The following FCRLA variants were observed in gnomAD, a reference collection of about 807,000 sequenced individuals.
FCRLA encodes Fc receptor like A.
In FCRLA, 26 loss-of-function variants were observed where a neutral mutation model predicts 28.4. The ratio of observed to expected loss-of-function variants is 0.91; its 90% CI spans 0.67 to 1.27. The LOEUF is 1.27. FCRLA is among the 50% of genes most tolerant of loss of function. The pLI, the probability that FCRLA is intolerant of heterozygous loss-of-function variation, is 0.00. For missense variants in FCRLA, 422 were observed against 433.1 expected (o/e 0.97, Z 0.23); for synonymous variants, 174 against 168.5 (o/e 1.03, Z -0.25).
intron 1 of FCRLA, among the ~76,000 whole-genome samples, chr1:161,709,313 G>T (rs1372231308): frequency 1.3e-5 from 2 of 151,920 alleles, no homozygotes; most frequent in Admixed American, 6.6e-5. Flanking sequence ...AAAATTATTT[G>T]TTGAGACAGG....
At chr1:161,709,733 G>T (rs1441389385) in intron 1 of FCRLA, among the ~76,000 whole-genome samples, 2 of 152,140 alleles carry the variant, frequency 1.3e-5, no homozygotes, top group African/African-American at 2.4e-5. Flanking sequence ...GGCTGGAGGA[G>T]GGGGAGAATA....
Position 161,711,947 on chromosome 1 carries a change from G to A in FCRLA, c.513G>A (p.Ala171=), listed in dbSNP as rs575335846. ...VAITVQELFP[A]PILRAVPSAE... is the part of the protein sequence containing the mutation. ...TCTTTTTCCCAGAACTGTTTCCAGC[G>A]CCAATTCTCAGAGCTGTACCCTCAG... The change falls in exon 4 of 5, where the codon GCG becomes GCA. Residue 171 remains alanine (A), a synonymous_variant. Transcript: ENST00000236938. 137 of 1,609,674 alleles carry A rather than the reference G, an allele frequency of 8.5e-5. No individual in the cohort carries two copies. Among genetic ancestry groups the A allele is most frequent in the Middle Eastern group, 1.7e-4 (1 of 6,022 alleles).
intron 3 of FCRLA, 63 bp from the exon 4 acceptor site, chr1:161,711,871 C>G (rs1105238): frequency 0.25 from 377,968 of 1,521,080 alleles, 55,664 homozygotes; most frequent in African/African-American, 0.58. Context: ...GTCTCTTCAC[C>G]TGCATGTGTC....
At chr1:161,712,311 T>C in intron 4 of FCRLA, 93 bp downstream of exon 4, 1 of 1,457,168 alleles carries the variant, frequency 6.9e-7, no homozygotes, top group Non-Finnish European at 9.3e-7. Flanking sequence ...TGGGGTTCAG[T>C]GTGAGCAGGT....
chr1:161,709,599 T>C (rs1682997388), intron 1 of FCRLA, among the ~76,000 whole-genome samples: 1 of 152,000 alleles, frequency 6.6e-6, no homozygotes, highest in African/African-American at 2.4e-5. Flanking sequence ...GGGGTCTTGG[T>C]AAGGGACATG....
At position 161,710,826 on chromosome 1, in the gene FCRLA, AGGATGACTTGACTGAT is replaced by A. The variant is rs1289643428; in HGVS notation, c.148_163del (p.Asp50GlnfsTer19). 8 of 1,614,042 alleles carry A rather than the reference AGGATGACTTGACTGAT, an allele frequency of 5.0e-6. No individual in the cohort carries two copies. In the South Asian group the frequency reaches 5.5e-5, roughly 11 times the overall value. On this transcript the variant is annotated frameshift_variant, in exon 2 of 5. Transcript: ENST00000236938. LOFTEE classifies it high-confidence loss of function. ...ACTGAGGAGAGCAGCTGCCACACGG[AGGATGACTTGACTGAT>A]GCAAGGGAAGCTGGCTTCCAGGTCA...
At position 161,713,430 on chromosome 1, in the gene FCRLA, T is replaced by C. The variant is rs748113648; in HGVS notation, c.*50T>C. 64 of 1,442,372 alleles carry C rather than the reference T, an allele frequency of 4.4e-5. No individual in the cohort carries two copies. The highest frequency in any genetic ancestry group is 5.8e-5 in the Non-Finnish European group (61 of 1,053,762). The allele number at this position is 1,442,372 out of a possible 1,614,324, so 89.3% of individuals were successfully genotyped here. On this transcript the variant is annotated 3_prime_UTR_variant, in exon 5 of 5. Transcript: ENST00000236938. ...CACTTAACCACCCCAATAAATCTGA[T>C]TCTTTATTTTCTCTTCCTGTCCTGC...
intron 4 of FCRLA, 26 bp from the exon 5 acceptor site, chr1:161,713,059 T>C (rs534078787): frequency 5.6e-6 from 9 of 1,596,080 alleles, no homozygotes; most frequent in African/African-American, 4.1e-5. Context: ...TTCACTCTTG[T>C]ATGTGCCTCC....
rs762362431 is a variant in FCRLA, at chr1:161,710,457, C to T, written c.80-303C>T. 3.2e-6 allele frequency: 5 copies of T among 1,550,338 alleles called. No homozygotes were observed. The South Asian group carries it at 3.6e-5, about 11-fold the overall frequency. On this transcript the variant is annotated intron_variant, in intron 1 of 4. Transcript: ENST00000236938. ...GCTTCGAGTTACCATTGTCTTTGCTCCTGGTTTCCCGTACCAGCAGCTGGA... is the reference window on the plus strand; with the variant it reads ...GCTTCGAGTTACCATTGTCTTTGCTTCTGGTTTCCCGTACCAGCAGCTGGA...
At chr1:161,709,313 G>A (rs1372231308) in intron 1 of FCRLA, among the ~76,000 whole-genome samples, 1 of 151,920 alleles carries the variant, frequency 6.6e-6, no homozygotes, top group South Asian at 2.1e-4. Flanking sequence ...AAAATTATTT[G>A]TTGAGACAGG....
At position 161,713,259 on chromosome 1, in the gene FCRLA, A is replaced by G. The variant is rs769841397; in HGVS notation, c.959A>G (p.Gln320Arg). 6.2e-7 allele frequency: 1 copy of G among 1,614,264 alleles called. No homozygotes were observed. Among genetic ancestry groups the G allele is most frequent in the South Asian group, 1.1e-5 (1 of 91,090 alleles). The change falls in exon 5 of 5, where the codon CAG becomes CGG. Residue 320 changes from glutamine to arginine, a missense_variant. Coordinates refer to ENST00000236938, the MANE Select transcript of FCRLA (RefSeq NM_032738.4). ...LGMPDPHLYH[Q>R]MGLLLKHMQD... is the part of the protein sequence containing the mutation. Reference sequence around the variant, plus strand: ...ATGCCAGATCCTCATCTGTATCACCAGATGGGCCTTCTTCTCAAACACATG... The same window carrying G: ...ATGCCAGATCCTCATCTGTATCACCGGATGGGCCTTCTTCTCAAACACATG...
intron 3 of FCRLA, 105 bp downstream of exon 3, chr1:161,711,579 A>G: frequency 7.0e-6 from 10 of 1,420,044 alleles, no homozygotes; most frequent in Admixed American, 2.5e-5. Flanking sequence ...TCAACAGACT[A>G]TGGAGCAGGT....
Position 161,712,188 on chromosome 1 carries a change from C to G in FCRLA, c.754C>G (p.Gln252Glu). The change falls in exon 4 of 5, where the codon CAG becomes GAG. Residue 252 changes from glutamine (Q) to glutamate (E), a missense_variant. Around this residue, in one of 3 missense-constraint regions of FCRLA, gnomAD observed 185 missense variants for 198.1 expected, o/e 0.93. Coordinates refer to ENST00000236938, the MANE Select transcript of FCRLA (RefSeq NM_032738.4). The part of the protein sequence containing the change: ...AATEDNQVWK[Q>E]SPQLEIRVQG... ...CACTGAGGACAACCAAGTTTGGAAA[C>G]AGAGCCCCCAGCTAGAGATCAGAGT... 2.5e-6 allele frequency: 4 copies of G among 1,613,844 alleles called. No homozygotes were observed. Among genetic ancestry groups the G allele is most frequent in the Non-Finnish European group, 3.4e-6 (4 of 1,179,842 alleles).
chr1:161,712,592 C>T (rs1683161167), intron 4 of FCRLA, among the ~76,000 whole-genome samples: 1 of 152,142 alleles, frequency 6.6e-6, no homozygotes, highest in African/African-American at 2.4e-5. Flanking sequence ...TGCACTTGAC[C>T]TGAAACACTC....
At chr1:161,709,290 G>A (rs954281630) in intron 1 of FCRLA, among the ~76,000 whole-genome samples, 5 of 151,924 alleles carry the variant, frequency 3.3e-5, no homozygotes, top group Non-Finnish European at 5.9e-5. Flanking sequence ...ACCAGGCCTG[G>A]CCAATTTTTT....
At chr1:161,707,855 C>T (rs2101649903) in intron 1 of FCRLA, among the ~76,000 whole-genome samples, 1 of 152,292 alleles carries the variant, frequency 6.6e-6, no homozygotes, top group South Asian at 2.1e-4. Flanking sequence ...ACCATTTTCT[C>T]CTTGTACTAC....
intron 1 of FCRLA, chr1:161,710,353 C>T (rs1418711621): frequency 1.1e-6 from 1 of 873,378 alleles, no homozygotes; most frequent in East Asian, 2.6e-5. Context: ...AGATACTGCA[C>T]ACAAGTGCTA....
chr1:161,710,670 A>T, intron 1 of FCRLA, 90 bp from the exon 2 acceptor site: 4 of 1,549,898 alleles, frequency 2.6e-6, no homozygotes, highest in South Asian at 2.3e-5. Flanking sequence ...TCTAAAAAGG[A>T]TGATTATCCT....
At position 161,711,375 on chromosome 1, in the gene FCRLA, C is replaced by G; in HGVS notation, c.400C>G (p.Gln134Glu). The G allele has an allele frequency of 6.2e-7, 1 of 1,614,194 alleles. No homozygotes were observed. The highest frequency in any genetic ancestry group is 8.5e-7 in the Non-Finnish European group (1 of 1,180,042). ...PNREFSITVV[Q>E]KADSGHYHCS... is the part of the protein sequence containing the mutation. Reference sequence around the variant, plus strand: ...CAGGGAATTCTCCATCACCGTGGTACAAAAGGCAGACAGCGGGCACTACCA... The same window carrying G: ...CAGGGAATTCTCCATCACCGTGGTAGAAAAGGCAGACAGCGGGCACTACCA... The change falls in exon 3 of 5, where the codon CAA (glutamine) becomes GAA (glutamate). Residue 134 changes from glutamine to glutamate, a missense_variant. Coordinates refer to ENST00000236938, the MANE Select transcript of FCRLA (RefSeq NM_032738.4).
Sources: gnomAD v4.1 joint callset for allele counts (sites outside exome capture counted in the v4.1 genomes callset) on GRCh38, gnomAD v4.1.1 for gene constraint, gnomAD v4.1.1 regional missense constraint, MANE v1.5 for transcripts, NCBI Gene and HGNC (gene_info 2026-07-23, HGNC 2026-07-21) for gene names.